Variants in COX15 observed in about 807,000 individuals in gnomAD.
The protein encoded by COX15 is heme A synthase COX15.
Under a neutral mutation model 51.9 loss-of-function variants are expected in COX15, and 51 were observed. The ratio of observed to expected loss-of-function variants is 0.98; its 90% CI spans 0.78 to 1.24. The LOEUF is 1.24. Ranked by LOEUF, COX15 falls within the 50% of genes most tolerant of loss-of-function variation. COX15 has a pLI of 0.00. For missense variants in COX15, 420 were observed against 501.1 expected, an observed-to-expected ratio of 0.84 and a Z score of 1.55; for synonymous variants, 188 against 190.5, an observed-to-expected ratio of 0.99 and a Z score of 0.11.
In COX15 at chr10:99,711,334, G is replaced by T. The variant is rs903956314; in HGVS notation, c.*3253C>A. The T allele has an allele frequency of 1.0e-6, 1 of 985,306 alleles. No individual in the cohort carries two copies. Among genetic ancestry groups the T allele is most frequent in the Non-Finnish European group, 1.2e-6 (1 of 829,936 alleles). 61.0% of individuals were successfully genotyped at this position (985,306 alleles called of 1,614,324 possible). On this transcript the variant is annotated 3_prime_UTR_variant, in exon 9 of 9. Transcript: ENST00000016171. The stretch of plus-strand genomic sequence containing the variant: ...GGTCATACTGCCCTCTGCTGACTCA[G>T]TTACTAACTAAGGACAACCTGGGTT...
Position 99,711,857 on chromosome 10 carries a change from AAGAGGTTT to A in COX15, c.*2722_*2729del. 2 of 981,074 alleles carry A rather than the reference AAGAGGTTT, an allele frequency of 2.0e-6. No individual in the cohort carries two copies. Among genetic ancestry groups the A allele is most frequent in the Non-Finnish European group, 2.4e-6 (2 of 825,932 alleles). 60.8% of individuals were successfully genotyped at this position (981,074 alleles called of 1,614,324 possible). A position where few individuals can be genotyped will look rare whatever the true frequency, so the allele number is the denominator to read the frequency against. On this transcript the variant is annotated 3_prime_UTR_variant, in exon 9 of 9. Coordinates refer to ENST00000016171, the MANE Select transcript of COX15 (RefSeq NM_078470.6). ...AAATACTGACAATTTTTAGAAAGAA[AAGAGGTTT>A]ATTTGGCTCACTGTTCTGCATAGAA... is the stretch of plus-strand genomic sequence containing the variant.
At chr10:99,726,009 T>C (rs749262871) in intron 4 of COX15, among the ~76,000 whole-genome samples, 12 of 152,362 alleles carry the variant, frequency 7.9e-5, no homozygotes, top group Admixed American at 5.2e-4. Context: ...CTCTTTTAAT[T>C]TGTTGCTCAG....
At chr10:99,704,258 G>A in the COX15 span, among the ~76,000 whole-genome samples, 1 of 152,140 alleles carries the variant, frequency 6.6e-6, no homozygotes, top group African/African-American at 2.4e-5. Flanking sequence ...TGGGGGCCGT[G>A]GGAAGGAAGA....
intron 1 of COX15, among the ~76,000 whole-genome samples, chr10:99,730,536 G>T (rs1178459856): frequency 6.6e-6 from 1 of 151,630 alleles, no homozygotes; most frequent in African/African-American, 2.4e-5. Flanking sequence ...GTGAGCCAAG[G>T]TCTCACCACT....
the COX15 span, chr10:99,698,724 A>G: frequency 1.2e-6 from 2 of 1,614,212 alleles, no homozygotes; most frequent in Non-Finnish European, 1.7e-6. Context: ...GGCCTCACTC[A>G]ATGGCATATA....
intron 7 of COX15, among the ~76,000 whole-genome samples, chr10:99,716,859 G>A (rs533835486): frequency 1.3e-5 from 2 of 152,084 alleles, no homozygotes; most frequent in African/African-American, 4.8e-5. Flanking sequence ...TTCCTGGGCT[G>A]TGAGTGGAGA....
chr10:99,717,054 A>G (rs1486626958), intron 7 of COX15, among the ~76,000 whole-genome samples: 3 of 152,142 alleles, frequency 2.0e-5, no homozygotes, highest in African/African-American at 7.2e-5. Flanking sequence ...TGCTGTCCAC[A>G]ATGACAATTT....
At chr10:99,725,552 CTTCT>C (rs779099023) in intron 4 of COX15, among the ~76,000 whole-genome samples, 15 of 152,088 alleles carry the variant, frequency 9.9e-5, no homozygotes, top group South Asian at 2.1e-4. Flanking sequence ...TCCTTAATCC[CTTCT>C]TTCTTTATTT....
Position 99,712,995 on chromosome 10 carries a change from G to A in COX15, c.*1592C>T, listed in dbSNP as rs1397605252. On this transcript the variant is annotated 3_prime_UTR_variant, in exon 9 of 9. Coordinates refer to ENST00000016171, the MANE Select transcript of COX15 (RefSeq NM_078470.6). ...CTTCACCTATTCCCTGTGTGACAGG[G>A]GTTCTGGACTCATCATTCTGATCTC... is the stretch of plus-strand genomic sequence containing the variant. 1 of 1,053,274 alleles carries A rather than the reference G, an allele frequency of 9.5e-7. No homozygotes were observed. Among genetic ancestry groups the A allele is most frequent in the East Asian group, 8.2e-5 (1 of 12,230 alleles). The allele number at this position is 1,053,274 out of a possible 1,614,324, so 65.2% of individuals were successfully genotyped here.
In COX15 at chr10:99,712,218, C is replaced by T; in HGVS notation, c.*2369G>A. 1.0e-6 allele frequency: 1 copy of T among 984,294 alleles called. No individual in the cohort carries two copies. Among genetic ancestry groups the T allele is most frequent in the African/African-American group, 1.7e-5 (1 of 57,312 alleles). 61.0% of individuals were successfully genotyped at this position (984,294 alleles called of 1,614,324 possible). On this transcript the variant is annotated 3_prime_UTR_variant, in exon 9 of 9. Coordinates refer to ENST00000016171, the MANE Select transcript of COX15 (RefSeq NM_078470.6). ...GGACAAAACATCCAAACCATATCAC[C>T]ACCTGAGAATGGTACACTACAGGTC... is the stretch of plus-strand genomic sequence containing the variant.
chr10:99,731,852 C>A, intron 1 of COX15, 108 bp downstream of exon 1: 1 of 1,393,866 alleles, frequency 7.2e-7, no homozygotes, highest in Non-Finnish European at 9.9e-7. Context: ...GTTGTGAGTG[C>A]ACTGTAAGGA....
At chr10:99,701,668 T>C in the COX15 span, among the ~76,000 whole-genome samples, 1 of 152,082 alleles carries the variant, frequency 6.6e-6, no homozygotes, top group African/African-American at 2.4e-5. Context: ...ACATAAACCC[T>C]CATGTAACTA....
At chr10:99,720,243 G>A (rs192919799) in intron 6 of COX15, among the ~76,000 whole-genome samples, 70 of 152,208 alleles carry the variant, frequency 4.6e-4, no homozygotes, top group African/African-American at 1.6e-3. Flanking sequence ...TCAGAAGTTC[G>A]AGGCCAGCCT....
In COX15 at chr10:99,727,478, C is replaced by G; in HGVS notation, c.358G>C (p.Glu120Gln). Residue 120 changes from glutamate to glutamine, a missense_variant, in exon 3 of 9, where the codon GAA (glutamate) becomes CAA (glutamine). Coordinates refer to ENST00000016171, the MANE Select transcript of COX15 (RefSeq NM_078470.6). ...PPTSQEEWEA[E>Q]FQRYQQFPEF... Reference sequence around the variant, plus strand: ...GGAAATTGCTGGTATCTTTGGAATTCTGCTTCCCATTCCTCTTGGCTTGTA... The same window carrying G: ...GGAAATTGCTGGTATCTTTGGAATTGTGCTTCCCATTCCTCTTGGCTTGTA... 2 of 1,613,898 alleles carry G rather than the reference C, an allele frequency of 1.2e-6. No individual in the cohort carries two copies. Among genetic ancestry groups the G allele is most frequent in the Non-Finnish European group, 1.7e-6 (2 of 1,180,014 alleles).
intron 8 of COX15, among the ~76,000 whole-genome samples, chr10:99,715,469 A>T (rs951048103): frequency 1.3e-5 from 2 of 151,734 alleles, no homozygotes; most frequent in African/African-American, 4.8e-5. Flanking sequence ...GGTTGTTTCC[A>T]ATTTTTCACT....
At chr10:99,704,970 G>GC in the COX15 span, 3 of 410,864 alleles carry the variant, frequency 7.3e-6, no homozygotes, top group East Asian at 4.4e-5. Context: ...GAGGTCTGGT[G>GC]TGTTCCTAGA....
intron 4 of COX15, among the ~76,000 whole-genome samples, chr10:99,725,308 C>G (rs916441163): frequency 2.6e-5 from 4 of 152,222 alleles, no homozygotes; most frequent in Non-Finnish European, 4.4e-5. Context: ...TTGATTTCAT[C>G]TGCAAGAGAC....
the COX15 span, chr10:99,702,668 A>G: frequency 3.7e-6 from 6 of 1,609,638 alleles, no homozygotes; most frequent in East Asian, 2.2e-5. Flanking sequence ...GATTCTTACC[A>G]CTCAGGTAAA....
the COX15 span, among the ~76,000 whole-genome samples, chr10:99,702,880 A>G: frequency 1.3e-5 from 2 of 152,216 alleles, no homozygotes; most frequent in African/African-American, 4.8e-5. Context: ...AAGGTTGAGC[A>G]TTACTGGTCT....
Sources: allele counts gnomAD v4.1 joint callset (sites outside exome capture counted in the v4.1 genomes callset), GRCh38; gene constraint gnomAD v4.1.1; transcripts MANE v1.5; gene names NCBI Gene and HGNC (gene_info 2026-07-23, HGNC 2026-07-21).